PLCXD3: variants seen among roughly 807,000 people sequenced by gnomAD.
The protein encoded by PLCXD3 is PI-PLC X domain-containing protein 3.
A neutral mutation model predicts 25.5 loss-of-function variants in PLCXD3; 19 were observed. The ratio of observed to expected loss-of-function variants is 0.75; its 90% CI spans 0.52 to 1.09. PLCXD3 has a LOEUF of 1.09. Among genes scored for constraint, PLCXD3 ranks in the 50% least tolerant of loss-of-function variants. The pLI is 0.00. For missense variants in PLCXD3, 411 were observed against 388.1 expected (o/e 1.06, Z -0.50); for synonymous variants, 174 against 137.6 (o/e 1.26, Z -1.85).
chr5:41,501,094 A>G (rs1371666567), intron 1 of PLCXD3, among the ~76,000 whole-genome samples: 1 of 152,052 alleles, frequency 6.6e-6, no homozygotes, highest in Non-Finnish European at 1.5e-5. Context: ...CAATTCTTGT[A>G]CACTGTTGGT....
chr5:41,340,150 G>T (rs1744099511), intron 2 of PLCXD3, among the ~76,000 whole-genome samples: 1 of 152,128 alleles, frequency 6.6e-6, no homozygotes, highest in Admixed American at 6.5e-5. Context: ...TCTCAGCAGT[G>T]CCTCTTTTAG....
intron 1 of PLCXD3, among the ~76,000 whole-genome samples, chr5:41,411,199 A>G (rs779469522): frequency 1.3e-5 from 2 of 152,182 alleles, no homozygotes; most frequent in African/African-American, 2.4e-5. Flanking sequence ...TCTGAAGCCT[A>G]TTTACCTTTG....
chr5:41,370,873 T>C (rs568074762), intron 2 of PLCXD3, among the ~76,000 whole-genome samples: 2 of 152,314 alleles, frequency 1.3e-5, no homozygotes, highest in East Asian at 3.9e-4. Flanking sequence ...ACAAATGGAA[T>C]GTTCTCAAAT....
chr5:41,431,582 AT>A (rs775481298), intron 1 of PLCXD3, among the ~76,000 whole-genome samples: 17 of 152,238 alleles, frequency 1.1e-4, no homozygotes, highest in East Asian at 3.8e-4. Context: ...ATTACATTAT[AT>A]AGCTGTTTGC....
intron 1 of PLCXD3, among the ~76,000 whole-genome samples, chr5:41,386,883 T>C (rs1252643746): frequency 6.6e-6 from 1 of 151,996 alleles, no homozygotes; most frequent in Non-Finnish European, 1.5e-5. Context: ...AGACTGATCC[T>C]TATCACCAGG....
intron 1 of PLCXD3, among the ~76,000 whole-genome samples, chr5:41,471,198 TA>T (rs1201228507): frequency 2.6e-5 from 4 of 152,158 alleles, no homozygotes; most frequent in African/African-American, 9.7e-5. Context: ...AGCACCTTCA[TA>T]AGAACCAAAA....
intron 1 of PLCXD3, among the ~76,000 whole-genome samples, chr5:41,457,843 T>C (rs1449095805): frequency 6.6e-6 from 1 of 151,902 alleles, no homozygotes; most frequent in East Asian, 1.9e-4. Context: ...CCCTATCCTC[T>C]GTACACCATT....
rs554182587 is a variant in PLCXD3 at position 41,494,935 on chromosome 5, C to T, written c.103+15489G>A. ...AGTGAAGGAAGTGAAGGAAGAAAAA[C>T]AAGGTAAGTGTGGTTAGGAGTAATG... On this transcript the variant is annotated intron_variant, in intron 1 of 2. Transcript: ENST00000377801. Among the ~76,000 whole-genome samples, 4 of 152,260 alleles carry T rather than the reference C, an allele frequency of 2.6e-5. No individual in the cohort carries two copies. The East Asian group carries it at 7.7e-4, about 29-fold the overall frequency.
rs118037167 is a variant in PLCXD3 at position 41,465,464 on chromosome 5, G to A, written c.103+44960C>T. Among the ~76,000 whole-genome samples the A allele has an allele frequency of 9.7e-4, 138 of 141,600 alleles. 1 individual carries two copies. In the East Asian group the frequency reaches 0.018, roughly 18 times the overall value. 92.9% of individuals were successfully genotyped at this position (141,600 alleles called of 152,430 possible). A position where few individuals can be genotyped will look rare whatever the true frequency, so the allele number is the denominator to read the frequency against. On this transcript the variant is annotated intron_variant, in intron 1 of 2. Transcript: ENST00000377801. ...ATTGTGTGTTAATTATTATAAGTAT[G>A]TGCCCAGTCTTTTTCATGAATTTAA...
intron 1 of PLCXD3, among the ~76,000 whole-genome samples, chr5:41,403,389 G>A (rs1746245859): frequency 3.6e-5 from 1 of 27,588 alleles, no homozygotes; most frequent in Non-Finnish European, 8.6e-5. Context: ...TACCCAGATT[G>A]ACTTATTTGT....
chr5:41,496,142 A>C (rs1326831809), intron 1 of PLCXD3, among the ~76,000 whole-genome samples: 1 of 152,144 alleles, frequency 6.6e-6, no homozygotes, highest in Admixed American at 6.5e-5. Flanking sequence ...TAACTTGAGG[A>C]TAGATCATTC....
At chr5:41,378,990 A>G (rs1745375724) in intron 2 of PLCXD3, among the ~76,000 whole-genome samples, 1 of 152,148 alleles carries the variant, frequency 6.6e-6, no homozygotes, top group Non-Finnish European at 1.5e-5. Flanking sequence ...AAATGAGGGT[A>G]AAGTTCTTGG....
intron 1 of PLCXD3, among the ~76,000 whole-genome samples, chr5:41,492,508 T>C (rs1267231324): frequency 6.6e-6 from 1 of 152,258 alleles, no homozygotes. Context: ...GAAGTTCTCC[T>C]GGATAATATC....
intron 2 of PLCXD3, among the ~76,000 whole-genome samples, chr5:41,360,491 C>G (rs1744741191): frequency 6.6e-6 from 1 of 152,168 alleles, no homozygotes; most frequent in Non-Finnish European, 1.5e-5. Context: ...AAGACTATGT[C>G]AGAGGGAAGA....
At chr5:41,336,726 T>C (rs765176) in intron 2 of PLCXD3, among the ~76,000 whole-genome samples, 12,862 of 152,208 alleles carry the variant, frequency 0.085, 831 homozygotes, top group East Asian at 0.35. Context: ...CATGCAATGA[T>C]TGATGTCTGG....
chr5:41,435,068 A>G (rs1040153007), intron 1 of PLCXD3, among the ~76,000 whole-genome samples: 2 of 152,198 alleles, frequency 1.3e-5, no homozygotes, highest in Non-Finnish European at 2.9e-5. Flanking sequence ...AGCATATAGA[A>G]TTTTAGCTAT....
chr5:41,466,928 A>G (rs1748029480), intron 1 of PLCXD3, among the ~76,000 whole-genome samples: 1 of 152,136 alleles, frequency 6.6e-6, no homozygotes, highest in Non-Finnish European at 1.5e-5. Context: ...ATGCATATAT[A>G]TACCACATTT....
At chr5:41,397,008 G>A (rs1746027303) in intron 1 of PLCXD3, among the ~76,000 whole-genome samples, 2 of 152,322 alleles carry the variant, frequency 1.3e-5, no homozygotes, top group Middle Eastern at 3.4e-3. Context: ...CATTTAAAAG[G>A]AATGCAGATC....
At chr5:41,503,404 G>A (rs1328897810) in intron 1 of PLCXD3, among the ~76,000 whole-genome samples, 1 of 152,128 alleles carries the variant, frequency 6.6e-6, no homozygotes, top group Non-Finnish European at 1.5e-5. Flanking sequence ...ATTTAAGATA[G>A]AGTGTTGTAA....
Sources: gnomAD v4.1 joint callset for allele counts (sites outside exome capture counted in the v4.1 genomes callset) on GRCh38, gnomAD v4.1.1 for gene constraint, MANE v1.5 for transcripts, NCBI Gene and HGNC (gene_info 2026-07-23, HGNC 2026-07-21) for gene names.